KIRREL1: variants seen among roughly 807,000 people sequenced by gnomAD.
The protein encoded by KIRREL1 is kin of IRRE-like protein 1.
Under a neutral mutation model 83.3 loss-of-function variants are expected in KIRREL1, and 25 were observed. The observed-to-expected ratio is 0.30, with a 90% CI of 0.22 to 0.42. The LOEUF is 0.42. Among genes scored for constraint, KIRREL1 ranks in the 10% least tolerant of loss-of-function variants. The probability of loss-of-function intolerance (pLI) is 1.00; values close to 1 mark genes in which losing one functional copy is unlikely to be tolerated. For missense variants in KIRREL1, 812 were observed against 1,032.3 expected (o/e 0.79, Z 2.92); for synonymous variants, 388 against 410.4 (o/e 0.95, Z 0.66).
chr1:158,006,122 T>A (rs1557985488), intron 1 of KIRREL1, among the ~76,000 whole-genome samples: 1 of 152,200 alleles, frequency 6.6e-6, no homozygotes, highest in African/African-American at 2.4e-5. Flanking sequence ...ACAGAACCTG[T>A]GGTGAGAAAT....
chr1:158,029,364 T>TGTGTGTGTGTGTGTGTGC (rs1553238107), intron 1 of KIRREL1, among the ~76,000 whole-genome samples: 2 of 147,742 alleles, frequency 1.4e-5, no homozygotes, highest in East Asian at 2.0e-4. Flanking sequence ...TGTGTGTGTG[T>TGTGTGTGTGTGTGTGTGC]GTGCACGTGC....
intron 1 of KIRREL1, among the ~76,000 whole-genome samples, chr1:158,066,936 CCTTT>C (rs976476211): frequency 1.3e-5 from 2 of 152,194 alleles, no homozygotes; most frequent in Admixed American, 1.3e-4. Flanking sequence ...CCTACCACCC[CCTTT>C]CTGCTCCCAC....
rs1389411184 is a variant in KIRREL1, at chr1:158,091,450, G to A, written c.1365G>A (p.Thr455=). Residue 455 remains threonine, a synonymous_variant, in exon 11 of 15, where the codon ACG becomes ACA. Coordinates refer to ENST00000359209, the MANE Select transcript of KIRREL1 (RefSeq NM_018240.7). ...ACTCAGGCAGTGGGGTGCTATCCACGCTCACCATCAACAATGTCATGGAGG... is the reference window on the plus strand; with the variant it reads ...ACTCAGGCAGTGGGGTGCTATCCACACTCACCATCAACAATGTCATGGAGG... ...RTNSGSGVLS[T]LTINNVMEAD... 6.2e-6 allele frequency: 10 copies of A among 1,614,186 alleles called. No homozygotes were observed. Among genetic ancestry groups the A allele is most frequent in the East Asian group, 4.5e-5 (2 of 44,884 alleles).
intron 3 of KIRREL1, among the ~76,000 whole-genome samples, chr1:158,080,740 G>A (rs1203893733): frequency 6.6e-6 from 1 of 152,152 alleles, no homozygotes; most frequent in East Asian, 1.9e-4. Context: ...AGGGGCCTGA[G>A]CAGACCAGGA....
At position 158,028,576 on chromosome 1, in the gene KIRREL1, C is replaced by A. The variant is rs575026618; in HGVS notation, c.52+34848C>A. ...CAAGGCATAGGGGCCATAGTTTCCA[C>A]TGAGGCTGGAAAGCCCAGGAGGCAT... is the stretch of plus-strand genomic sequence containing the variant. On this transcript the variant is annotated intron_variant, in intron 1 of 14. Coordinates refer to ENST00000359209, the MANE Select transcript of KIRREL1 (RefSeq NM_018240.7). Among the ~76,000 whole-genome samples, 10 of 99,142 alleles carry A rather than the reference C, an allele frequency of 1.0e-4. No homozygotes were observed. The Admixed American group carries it at 1.2e-3, about 12-fold the overall frequency. 65.0% of individuals were successfully genotyped at this position (99,142 alleles called of 152,430 possible).
chr1:158,082,495 A>G (rs1661891082), intron 3 of KIRREL1, among the ~76,000 whole-genome samples: 1 of 152,144 alleles, frequency 6.6e-6, no homozygotes, highest in African/African-American at 2.4e-5. Flanking sequence ...AGTAGTTTCT[A>G]CTGGAAACCC....
chr1:157,999,909 T>C (rs1659309333), intron 1 of KIRREL1, among the ~76,000 whole-genome samples: 1 of 152,162 alleles, frequency 6.6e-6, no homozygotes, highest in African/African-American at 2.4e-5. Flanking sequence ...TTACATGCAT[T>C]AGTAACTAAT....
At chr1:158,029,054 C>T (rs999172843) in intron 1 of KIRREL1, among the ~76,000 whole-genome samples, 7 of 152,150 alleles carry the variant, frequency 4.6e-5, no homozygotes, top group Admixed American at 1.3e-4. Context: ...TAAAGAGATA[C>T]GTATGGTCCA....
intron 1 of KIRREL1, among the ~76,000 whole-genome samples, chr1:158,033,247 T>A (rs1412852965): frequency 6.6e-6 from 1 of 152,008 alleles, no homozygotes; most frequent in African/African-American, 2.4e-5. Context: ...AATTTTTGTA[T>A]TTTTGGTAAA....
chr1:158,075,675 G>T (rs547109834), intron 1 of KIRREL1, among the ~76,000 whole-genome samples: 2 of 152,180 alleles, frequency 1.3e-5, no homozygotes, highest in Non-Finnish European at 2.9e-5. Flanking sequence ...TTAATGTGGG[G>T]GTGGGCTGGG....
In KIRREL1 at chr1:158,069,298, G is replaced by A. The variant is rs1326275701; in HGVS notation, c.53-6815G>A. On this transcript the variant is annotated intron_variant, in intron 1 of 14. Transcript: ENST00000359209. ...TGTGTCCCTATAAGAAGTGTATGACGTACTTGTGTGTGTGTGTGTGTGTGT... is the reference window on the plus strand; with the variant it reads ...TGTGTCCCTATAAGAAGTGTATGACATACTTGTGTGTGTGTGTGTGTGTGT... Among the ~76,000 whole-genome samples, 6 of 124,110 alleles carry A rather than the reference G, an allele frequency of 4.8e-5. 1 individual carries two copies. The highest frequency in any genetic ancestry group is 5.1e-4 in the East Asian group (2 of 3,912). The allele number at this position is 124,110 out of a possible 152,430, so 81.4% of individuals were successfully genotyped here.
chr1:158,087,912 G>A (rs372921219), intron 6 of KIRREL1, 52 bp downstream of exon 6: 24 of 1,606,266 alleles, frequency 1.5e-5, no homozygotes, highest in African/African-American at 4.0e-5. Context: ...GGAAGAGTTC[G>A]GGGTTAGAGG....
rs770875291 is a variant in KIRREL1 at position 158,094,262 on chromosome 1, G to A, written c.1720-51G>A. 86 of 1,529,988 alleles carry A rather than the reference G, an allele frequency of 5.6e-5. No homozygotes were observed. Among genetic ancestry groups the A allele is most frequent in the Non-Finnish European group, 6.8e-5 (76 of 1,122,284 alleles). 94.8% of individuals were successfully genotyped at this position (1,529,988 alleles called of 1,614,324 possible). ...GCGTGGGGAGGGGTTGGTGAGGGGC[G>A]AAAAGAGCAGGGCTTCCGTCTGCTG... is the stretch of plus-strand genomic sequence containing the variant. On this transcript the variant is annotated intron_variant, in intron 13 of 14. Coordinates refer to ENST00000359209, the MANE Select transcript of KIRREL1 (RefSeq NM_018240.7). This position sits in a 1 kb window ranked among gnomAD's most constrained non-coding sequence, Gnocchi z 4.6.
intron 1 of KIRREL1, among the ~76,000 whole-genome samples, chr1:158,048,634 G>A (rs1318057509): frequency 1.3e-5 from 2 of 152,134 alleles, no homozygotes; most frequent in South Asian, 2.1e-4. Flanking sequence ...AAACACCTAC[G>A]AAGGAAAAGG....
chr1:158,026,310 T>A (rs1660168841), intron 1 of KIRREL1, among the ~76,000 whole-genome samples: 1 of 152,228 alleles, frequency 6.6e-6, no homozygotes, highest in Non-Finnish European at 1.5e-5. Flanking sequence ...TCCCTCTTCC[T>A]GTCCTGCCAG....
rs536080920 is a variant in KIRREL1, at chr1:158,080,869, G to A, written c.352+2729G>A. On this transcript the variant is annotated intron_variant, in intron 3 of 14. Transcript: ENST00000359209. ...TGACACTTCCTGCATCCCTTCCTGC[G>A]TACCTGCTTACCCACAGCCTTTGCT... Among the ~76,000 whole-genome samples the A allele has an allele frequency of 1.2e-4, 18 of 152,344 alleles. No homozygotes were observed. In the South Asian group the frequency reaches 2.3e-3, roughly 19 times the overall value.
Position 158,087,999 on chromosome 1 carries a change from C to A in KIRREL1, c.768-7C>A, listed in dbSNP as rs774936525. ...TGATCCCACCTCTGTGTTGCCTCCT[C>A]CCCTAGGTGGGCCAAAGGGGGTTTC... On this transcript the variant is annotated splice_region_variant and splice_polypyrimidine_tract_variant and intron_variant, in intron 6 of 14. Coordinates refer to ENST00000359209, the MANE Select transcript of KIRREL1 (RefSeq NM_018240.7). The A allele has an allele frequency of 6.2e-7, 1 of 1,614,114 alleles. No individual in the cohort carries two copies. Among genetic ancestry groups the A allele is most frequent in the South Asian group, 1.1e-5 (1 of 91,066 alleles).
At chr1:158,019,707 G>A (rs368992951) in intron 1 of KIRREL1, among the ~76,000 whole-genome samples, 8 of 152,178 alleles carry the variant, frequency 5.3e-5, no homozygotes, top group African/African-American at 1.9e-4. Context: ...TTCCAGGCTT[G>A]TAGGATCATT....
At chr1:157,994,641 C>G (rs534622596) in intron 1 of KIRREL1, among the ~76,000 whole-genome samples, 1 of 152,060 alleles carries the variant, frequency 6.6e-6, no homozygotes, top group Admixed American at 6.5e-5. Flanking sequence ...GGAGTTGGTT[C>G]TTGCCTCCCA....
Sources: gnomAD v4.1 joint callset for allele counts (sites outside exome capture counted in the v4.1 genomes callset) on GRCh38, gnomAD v4.1.1 for gene constraint, Gnocchi (gnomAD v3.1) non-coding constraint, MANE v1.5 for transcripts, NCBI Gene and HGNC (gene_info 2026-07-23, HGNC 2026-07-21) for gene names.